SRRM4: variants seen among roughly 807,000 people sequenced by gnomAD.
SRRM4 encodes the protein serine/arginine repetitive matrix 4, also known as serine/arginine repetitive matrix protein 4.
SRRM4 carries 33 observed loss-of-function variants against 68.9 expected under a neutral mutation model. That is an observed-to-expected ratio of 0.48 (90% confidence interval 0.36 to 0.64). The LOEUF (loss-of-function observed/expected upper bound fraction) is 0.64. Ranked by LOEUF, SRRM4 falls within the 30% of genes least tolerant of loss-of-function variation. The pLI is 0.00. For synonymous variants in SRRM4, 318 were observed against 318.8 expected, an observed-to-expected ratio of 1.00 and a Z score of 0.03; for missense variants, 817 against 827.1, an observed-to-expected ratio of 0.99 and a Z score of 0.15.
At chr12:119,081,328 T>TA (rs1237284656) in intron 1 of SRRM4, among the ~76,000 whole-genome samples, 1 of 152,152 alleles carries the variant, frequency 6.6e-6, no homozygotes, top group Admixed American at 6.5e-5. Flanking sequence ...CACGTATCAC[T>TA]AAAAAGGTCA....
chr12:119,045,530 C>T (rs1007916498), intron 1 of SRRM4, among the ~76,000 whole-genome samples: 4 of 147,076 alleles, frequency 2.7e-5, no homozygotes, highest in Non-Finnish European at 4.5e-5. Flanking sequence ...CCTGCTTCTC[C>T]GTCTTTGGTC....
chr12:119,050,276 T>TTG (rs1953734195), intron 1 of SRRM4, among the ~76,000 whole-genome samples: 1 of 152,238 alleles, frequency 6.6e-6, no homozygotes, highest in Admixed American at 6.5e-5. Context: ...TTCACCATCT[T>TTG]TAACAGAGTT....
At chr12:119,066,603 G>A (rs762413279) in intron 1 of SRRM4, among the ~76,000 whole-genome samples, 3 of 152,220 alleles carry the variant, frequency 2.0e-5, no homozygotes, top group Non-Finnish European at 4.4e-5. Context: ...CATTTCTGAT[G>A]CACATTCCGG....
chr12:119,130,637 C>A (rs781758858), intron 7 of SRRM4, 41 bp from the exon 8 acceptor site: 3 of 1,585,952 alleles, frequency 1.9e-6, no homozygotes, highest in Middle Eastern at 1.8e-4. Flanking sequence ...CTACCATGCT[C>A]CCCTTCAAAA....
At chr12:119,036,697 A>C (rs529030198) in intron 1 of SRRM4, 1 of 152,426 alleles carries the variant, frequency 6.6e-6, no homozygotes, top group African/African-American at 2.4e-5. Context: ...ATAATGGTCC[A>C]GGTTTAAGGG....
chr12:119,080,002 C>T lies in SRRM4; in HGVS notation c.132-22234C>T, dbSNP rs748696858. Among the ~76,000 whole-genome samples the T allele has an allele frequency of 5.3e-5, 8 of 152,132 alleles. 1 individual carries two copies. In the South Asian group the frequency reaches 1.0e-3, roughly 20 times the overall value. ...GATTTTCTCCTTGATTTAATCAACC[C>T]GAATTCAGCTACCGGTGCCCCTCTC... is the stretch of plus-strand genomic sequence containing the variant. On this transcript the variant is annotated intron_variant, in intron 1 of 12. Coordinates refer to ENST00000267260, the MANE Select transcript of SRRM4 (RefSeq NM_194286.4).
intron 1 of SRRM4, among the ~76,000 whole-genome samples, chr12:119,082,707 A>T (rs1285936598): frequency 6.6e-6 from 1 of 152,184 alleles, no homozygotes; most frequent in Admixed American, 6.5e-5. Flanking sequence ...CAGCCAGGGG[A>T]AGCAGTTCTG....
At chr12:119,156,265 AT>A in intron 12 of SRRM4, among the ~76,000 whole-genome samples, 1 of 152,346 alleles carries the variant, frequency 6.6e-6, no homozygotes, top group South Asian at 2.1e-4. Flanking sequence ...GGCTTGCTTC[AT>A]GGGGGAAAGA....
chr12:119,108,810 G>A (rs1388165028), intron 2 of SRRM4, among the ~76,000 whole-genome samples: 1 of 152,096 alleles, frequency 6.6e-6, no homozygotes, highest in Non-Finnish European at 1.5e-5. Context: ...GGAGCATTTA[G>A]CCCATTTACA....
intron 1 of SRRM4, among the ~76,000 whole-genome samples, chr12:119,098,220 G>A (rs1460126223): frequency 6.6e-6 from 1 of 152,172 alleles, no homozygotes; most frequent in Non-Finnish European, 1.5e-5. Context: ...GAGCCACCTT[G>A]GAAGTGAACT....
intron 4 of SRRM4, 100 bp downstream of exon 4, chr12:119,117,108 T>C (rs1301576551): frequency 5.8e-5 from 56 of 966,264 alleles, no homozygotes; most frequent in Non-Finnish European, 8.6e-5. Flanking sequence ...ATGTCATTTA[T>C]GTAAAACAAT....
At chr12:119,036,652 G>T (rs79022976) in intron 1 of SRRM4, 1 of 152,392 alleles carries the variant, frequency 6.6e-6, no homozygotes, top group Non-Finnish European at 1.5e-5. Context: ...AGGAGTTCTT[G>T]CTTGCCAGTT....
intron 1 of SRRM4, among the ~76,000 whole-genome samples, chr12:119,022,219 G>T (rs1162803672): frequency 6.6e-6 from 1 of 151,962 alleles, no homozygotes; most frequent in Admixed American, 6.6e-5. Context: ...AAAAGAAAGA[G>T]GAGAATGCTT....
chr12:119,050,976 C>G (rs1367147139), intron 1 of SRRM4, among the ~76,000 whole-genome samples: 1 of 152,124 alleles, frequency 6.6e-6, no homozygotes, highest in East Asian at 1.9e-4. Flanking sequence ...AAGATGTAGA[C>G]CATCTCTGTC....
intron 7 of SRRM4, among the ~76,000 whole-genome samples, chr12:119,129,992 GAT>G (rs1954284877): frequency 1.3e-5 from 2 of 151,266 alleles, no homozygotes; most frequent in African/African-American, 4.9e-5. Context: ...TGGATGGATG[GAT>G]GGATGGATGG....
Position 119,161,506 on chromosome 12 carries a change from C to T in SRRM4, c.*4708C>T, listed in dbSNP as rs767492967. On this transcript the variant is annotated 3_prime_UTR_variant, in exon 13 of 13. Transcript: ENST00000267260. ...TGTGTTTTTTTAGTTCTTTTGATGG[C>T]TGTTGTTTTGCATTGTAAATACCAT... 6.6e-6 allele frequency: 1 copy of T among 152,124 alleles called. No homozygotes were observed. Among genetic ancestry groups the T allele is most frequent in the Non-Finnish European group, 1.5e-5 (1 of 68,042 alleles). The allele number at this position is 152,124 out of a possible 1,614,324, so 9.4% of individuals were successfully genotyped here. A position where few individuals can be genotyped will look rare whatever the true frequency, so the allele number is the denominator to read the frequency against.
At chr12:118,985,185 T>C (rs1407924482) in intron 1 of SRRM4, among the ~76,000 whole-genome samples, 1 of 152,198 alleles carries the variant, frequency 6.6e-6, no homozygotes, top group Non-Finnish European at 1.5e-5. Flanking sequence ...TACATTCAGA[T>C]GAAGTTAACA....
At chr12:119,138,233 C>T (rs1162153305) in intron 8 of SRRM4, among the ~76,000 whole-genome samples, 1 of 152,104 alleles carries the variant, frequency 6.6e-6, no homozygotes, top group Non-Finnish European at 1.5e-5. Context: ...CCCATTCTAC[C>T]AACGTTGGCA....
chr12:119,146,900 C>T (rs1012694485), intron 9 of SRRM4, among the ~76,000 whole-genome samples: 10 of 151,638 alleles, frequency 6.6e-5, no homozygotes, highest in Non-Finnish European at 1.0e-4. Context: ...TGCGCCAGTG[C>T]ACTCCAGCCT....
Sources: gnomAD v4.1 joint callset for allele counts (sites outside exome capture counted in the v4.1 genomes callset) on GRCh38, gnomAD v4.1.1 for gene constraint, MANE v1.5 for transcripts, NCBI Gene and HGNC (gene_info 2026-07-23, HGNC 2026-07-21) for gene names.